Variants in CFAP92 observed in about 807,000 individuals in gnomAD.
The protein encoded by CFAP92 is cilia and flagella associated protein 92 (putative), also known as uncharacterized protein CFAP92.
Under a neutral mutation model 106.3 loss-of-function variants are expected in CFAP92, and 86 were observed. That is an observed-to-expected ratio of 0.81 (90% CI 0.68 to 0.97). The LOEUF (loss-of-function observed/expected upper bound fraction) is 0.97. Among genes scored for constraint, CFAP92 ranks in the 50% least tolerant of loss-of-function variants. CFAP92 has a pLI of 0.00. For synonymous variants in CFAP92, 477 were observed against 506.4 expected (o/e 0.94, Z 0.78); for missense variants, 1,204 against 1,283.8 (o/e 0.94, Z 0.95).
At chr3:128,914,099 T>G (rs1314417537) in intron 15 of CFAP92, among the ~76,000 whole-genome samples, 2 of 152,166 alleles carry the variant, frequency 1.3e-5, no homozygotes, top group Non-Finnish European at 2.9e-5. Context: ...AAACATGTTG[T>G]GGGAAGAGGA....
chr3:128,929,303 A>T (rs1390233966), intron 12 of CFAP92, among the ~76,000 whole-genome samples: 1 of 152,220 alleles, frequency 6.6e-6, no homozygotes, highest in Non-Finnish European at 1.5e-5. Flanking sequence ...ACCCTCATGC[A>T]TTGCTGGTAG....
intron 9 of CFAP92, among the ~76,000 whole-genome samples, chr3:128,950,477 C>T (rs970992240): frequency 2.6e-5 from 4 of 152,224 alleles, no homozygotes; most frequent in Admixed American, 1.3e-4. Context: ...GGACTACACA[C>T]GTGACGACAG....
the CFAP92 span, among the ~76,000 whole-genome samples, chr3:129,018,362 A>T: frequency 6.6e-6 from 1 of 152,260 alleles, no homozygotes; most frequent in African/African-American, 2.4e-5. Context: ...TTACATTTTT[A>T]AATGGCTAGG....
chr3:129,026,042 G>C, the CFAP92 span, among the ~76,000 whole-genome samples: 1 of 152,242 alleles, frequency 6.6e-6, no homozygotes. Context: ...CCAGCTCTTA[G>C]TGCTTTGGTT....
chr3:128,939,713 A>G (rs1437008418), intron 10 of CFAP92, among the ~76,000 whole-genome samples: 1 of 152,196 alleles, frequency 6.6e-6, no homozygotes, highest in African/African-American at 2.4e-5. Context: ...GTTTCGTGGA[A>G]GACAATTTTT....
chr3:129,012,878 G>C, the CFAP92 span, among the ~76,000 whole-genome samples: 1 of 152,140 alleles, frequency 6.6e-6, no homozygotes, highest in East Asian at 1.9e-4. Flanking sequence ...AGCGGGCATT[G>C]GGCATTTTTT....
intron 10 of CFAP92, among the ~76,000 whole-genome samples, chr3:128,943,676 C>T (rs1374622691): frequency 1.3e-5 from 2 of 151,988 alleles, no homozygotes; most frequent in East Asian, 1.9e-4. Context: ...GCTGGGATTA[C>T]AGGCACGTGC....
At chr3:128,932,274 T>C (rs1380054367) in intron 12 of CFAP92, among the ~76,000 whole-genome samples, 1 of 152,072 alleles carries the variant, frequency 6.6e-6, no homozygotes, top group Non-Finnish European at 1.5e-5. Context: ...CCTCACCAGC[T>C]TCTCAGTCTC....
At chr3:128,918,507 A>G (rs1182387862) in intron 12 of CFAP92, among the ~76,000 whole-genome samples, 1 of 152,182 alleles carries the variant, frequency 6.6e-6, no homozygotes, top group African/African-American at 2.4e-5. Flanking sequence ...AACTCTTTGG[A>G]GAAATTCAAA....
At position 128,936,065 on chromosome 3, in the gene CFAP92, C is replaced by G. The variant is rs565963244; in HGVS notation, c.2259-746G>C. ...CCTGTCTCACCCCCCTTCCTGCCCC[C>G]ACTCAGCCCCTCACCACCCCTCCAA... On this transcript the variant is annotated intron_variant, in intron 10 of 15. Transcript: ENST00000645291. 3.3e-5 allele frequency among the ~76,000 whole-genome samples: 5 copies of G among 152,168 alleles called. No homozygotes were observed. In the South Asian group the frequency reaches 1.0e-3, roughly 32 times the overall value.
the CFAP92 span, among the ~76,000 whole-genome samples, chr3:129,020,645 A>C: frequency 6.6e-6 from 1 of 152,170 alleles, no homozygotes; most frequent in Non-Finnish European, 1.5e-5. Flanking sequence ...TCAATAAATA[A>C]ATAATAAAAT....
chr3:128,998,315 C>A (rs1017922351), upstream of CFAP92, among the ~76,000 whole-genome samples: 1 of 152,176 alleles, frequency 6.6e-6, no homozygotes, highest in African/African-American at 2.4e-5. Context: ...TCCGATTCAT[C>A]ATTTTTTTCT....
At chr3:128,920,388 AG>A (rs1937169750) in intron 12 of CFAP92, among the ~76,000 whole-genome samples, 1 of 152,208 alleles carries the variant, frequency 6.6e-6, no homozygotes, top group Non-Finnish European at 1.5e-5. Flanking sequence ...TGGGCCACAG[AG>A]CAAGACTCCA....
chr3:129,010,036 C>T, the CFAP92 span, among the ~76,000 whole-genome samples: 1 of 152,240 alleles, frequency 6.6e-6, no homozygotes, highest in Admixed American at 6.5e-5. The surrounding 1 kb of genome is among the most constrained non-coding windows in gnomAD (Gnocchi z 4.3). Flanking sequence ...AGCCTTGGCA[C>T]ACAGTAAGAT....
chr3:129,004,109 T>A, upstream of CFAP92: 2 of 1,461,312 alleles, frequency 1.4e-6, no homozygotes. Context: ...GGGCCCAAGT[T>A]CCCCAATTCG....
intron 10 of CFAP92, among the ~76,000 whole-genome samples, chr3:128,938,510 A>G (rs1234580793): frequency 6.9e-6 from 1 of 144,938 alleles, no homozygotes; most frequent in Non-Finnish European, 1.5e-5. Flanking sequence ...TTTTTTTTTT[A>G]AGAGATGGAG....
chr3:128,956,196 T>TAAAAAAAA (rs577724635), intron 9 of CFAP92, among the ~76,000 whole-genome samples: 23 of 61,652 alleles, frequency 3.7e-4, no homozygotes, highest in East Asian at 8.6e-4. Flanking sequence ...AAAAAAAAAA[T>TAAAAAAAA]AAAAAAAAAA....
intron 10 of CFAP92, among the ~76,000 whole-genome samples, chr3:128,940,555 A>G (rs1939522707): frequency 6.6e-6 from 1 of 152,198 alleles, no homozygotes; most frequent in African/African-American, 2.4e-5. Context: ...TGTAAGATTC[A>G]TTCTTTTGAA....
chr3:129,014,437 G>A, the CFAP92 span, among the ~76,000 whole-genome samples: 2 of 152,218 alleles, frequency 1.3e-5, no homozygotes, highest in African/African-American at 2.4e-5. This position sits in a 1 kb window ranked among gnomAD's most constrained non-coding sequence, Gnocchi z 4.3. Flanking sequence ...AGCCAGGGCC[G>A]CCTTCTCCCT....
Sources: gnomAD v4.1 joint callset for allele counts (sites outside exome capture counted in the v4.1 genomes callset) on GRCh38, gnomAD v4.1.1 for gene constraint, Gnocchi (gnomAD v3.1) non-coding constraint, MANE v1.5 for transcripts, NCBI Gene and HGNC (gene_info 2026-07-23, HGNC 2026-07-21) for gene names.